The following IQCM variants were observed in gnomAD, a reference collection of about 807,000 sequenced individuals.
IQCM encodes the protein IQ motif containing M, also known as IQ domain-containing protein M.
IQCM carries 45 observed loss-of-function variants against 57.6 expected under a neutral mutation model. That is an observed-to-expected ratio of 0.78 (90% CI 0.62 to 1.00). The LOEUF (loss-of-function observed/expected upper bound fraction) is 1.00, where lower values mean the gene tolerates loss of function less well. Ranked by LOEUF, IQCM falls within the 50% of genes least tolerant of loss-of-function variation. The pLI, the probability that IQCM is intolerant of heterozygous loss-of-function variation, is 0.00. For missense variants in IQCM, 468 were observed against 511.6 expected, an observed-to-expected ratio of 0.91 and a Z score of 0.82; for synonymous variants, 148 against 158.9, an observed-to-expected ratio of 0.93 and a Z score of 0.51.
chr4:149,483,281 T>C (rs1741111324), intron 12 of IQCM, among the ~76,000 whole-genome samples: 1 of 151,878 alleles, frequency 6.6e-6, no homozygotes, highest in Non-Finnish European at 1.5e-5. Flanking sequence ...ATTTCTGCTC[T>C]GACCATCATT....
chr4:149,801,108 T>C (rs1773563556), intron 2 of IQCM, among the ~76,000 whole-genome samples: 1 of 151,828 alleles, frequency 6.6e-6, no homozygotes. Context: ...AAAGTGGACA[T>C]ACAAATGACA....
intron 12 of IQCM, among the ~76,000 whole-genome samples, chr4:149,547,819 G>GA (rs1274359675): frequency 6.6e-6 from 1 of 151,842 alleles, no homozygotes; most frequent in Non-Finnish European, 1.5e-5. Context: ...CAAAGCTGGG[G>GA]AAAAAAGAAA....
chr4:149,385,469 A>C (rs1255911389), intron 13 of IQCM, among the ~76,000 whole-genome samples: 1 of 152,094 alleles, frequency 6.6e-6, no homozygotes, highest in Non-Finnish European at 1.5e-5. Flanking sequence ...GTTAAGGGGA[A>C]GGTGATAAGT....
chr4:149,351,992 T>C lies in IQCM; in HGVS notation c.1465A>G (p.Arg489Gly). 2.5e-6 allele frequency: 1 copy of C among 398,994 alleles called. No individual in the cohort carries two copies. Among genetic ancestry groups the C allele is most frequent in the Non-Finnish European group, 4.4e-6 (1 of 226,026 alleles). 24.7% of individuals were successfully genotyped at this position (398,994 alleles called of 1,614,324 possible). The change falls in exon 14 of 14, where the codon AGG becomes GGG. Residue 489 changes from arginine to glycine, a missense_variant. Transcript: ENST00000636793. Reference protein sequence around the residue: ...GKLVARSIRERKMRQHYKSCK... With the variant: ...GKLVARSIREGKMRQHYKSCK... ...GACTTATAATGTTGTCTCATTTTCC[T>C]TTCTCTTATGGATCGGGCCACCAAC...
chr4:149,768,140 G>A (rs17687523), intron 2 of IQCM, among the ~76,000 whole-genome samples: 49,032 of 151,996 alleles, frequency 0.32, 9,696 homozygotes, highest in African/African-American at 0.53. Context: ...CTGTTCACAA[G>A]TCTTGCATTT....
intron 12 of IQCM, among the ~76,000 whole-genome samples, chr4:149,510,096 C>T (rs573380606): frequency 2.0e-5 from 3 of 152,200 alleles, no homozygotes; most frequent in South Asian, 4.1e-4. Context: ...AAAATTTCCA[C>T]GTGCAATATA....
At chr4:149,552,516 G>C (rs980962844) in intron 11 of IQCM, among the ~76,000 whole-genome samples, 3 of 151,878 alleles carry the variant, frequency 2.0e-5, no homozygotes, top group African/African-American at 7.3e-5. Context: ...ATATAAATGA[G>C]ATAATTTGTT....
chr4:149,728,612 T>C (rs560539780), intron 5 of IQCM, among the ~76,000 whole-genome samples: 1 of 152,334 alleles, frequency 6.6e-6, no homozygotes. Flanking sequence ...CATAACACTT[T>C]TATGGGAATC....
rs144069534 is a variant in IQCM, at chr4:149,369,448, C to T, written c.1391-17382G>A. ...CATCTAAAAAAGACATTTTTAAAAC[C>T]TAAAAAAAATGTGTACAAATGCATT... On this transcript the variant is annotated intron_variant, in intron 13 of 13. Coordinates refer to ENST00000636793, the MANE Select transcript of IQCM (RefSeq NM_001363507.2). Among the ~76,000 whole-genome samples, 3 of 152,024 alleles carry T rather than the reference C, an allele frequency of 2.0e-5. No homozygotes were observed. In the East Asian group the frequency reaches 5.8e-4, roughly 29 times the overall value.
intron 13 of IQCM, among the ~76,000 whole-genome samples, chr4:149,367,928 T>C (rs963793963): frequency 8.5e-5 from 13 of 152,092 alleles, no homozygotes; most frequent in Non-Finnish European, 1.8e-4. Flanking sequence ...TGATAGCTGC[T>C]GCATTTTTGT....
chr4:149,576,016 C>T (rs1456674579), intron 9 of IQCM, among the ~76,000 whole-genome samples: 1 of 151,814 alleles, frequency 6.6e-6, no homozygotes, highest in Non-Finnish European at 1.5e-5. Context: ...TTCTTTCCTT[C>T]TGGCATAGAT....
At chr4:149,669,238 G>A (rs1264131828) in intron 7 of IQCM, among the ~76,000 whole-genome samples, 1 of 152,174 alleles carries the variant, frequency 6.6e-6, no homozygotes, top group Non-Finnish European at 1.5e-5. Context: ...CAGTGATGAT[G>A]AGCATTTTTT....
intron 2 of IQCM, among the ~76,000 whole-genome samples, chr4:149,774,553 G>A (rs1180486272): frequency 2.0e-5 from 3 of 152,096 alleles, no homozygotes; most frequent in East Asian, 1.9e-4. Flanking sequence ...CGCAGGCCAC[G>A]TGAATGACAT....
At chr4:149,655,827 T>C (rs769823876) in intron 7 of IQCM, among the ~76,000 whole-genome samples, 9 of 152,204 alleles carry the variant, frequency 5.9e-5, no homozygotes, top group Admixed American at 2.0e-4. Flanking sequence ...TGGTATTTTA[T>C]GTACCACAAA....
intron 7 of IQCM, among the ~76,000 whole-genome samples, chr4:149,661,858 G>T (rs184342191): frequency 1.8e-3 from 269 of 152,070 alleles, no homozygotes; most frequent in Non-Finnish European, 2.7e-3. Flanking sequence ...TCTGGCTAAT[G>T]ATTTGTCAAT....
chr4:149,462,260 C>A lies in IQCM; in HGVS notation c.1229-28703G>T, dbSNP rs547411146. Among the ~76,000 whole-genome samples, 74 of 152,250 alleles carry A rather than the reference C, an allele frequency of 4.9e-4. 1 individual carries two copies. In the South Asian group the frequency reaches 0.015, roughly 32 times the overall value. On this transcript the variant is annotated intron_variant, in intron 12 of 13. Transcript: ENST00000636793. ...ATACCACCGCACACTCAGTGGAAAG[C>A]TTCTCCAGGGCTGGTTTGCCAATGC...
chr4:149,457,986 TGTTGAACTTTGTTCAACAAA>T (rs1001766787), intron 12 of IQCM, among the ~76,000 whole-genome samples: 5 of 151,950 alleles, frequency 3.3e-5, no homozygotes, highest in African/African-American at 1.2e-4. Context: ...GGTGATGCTT[TGTTGAACTTTGTTCAACAAA>T]GTTGAACATA....
chr4:149,518,800 T>C (rs894231671), intron 12 of IQCM, among the ~76,000 whole-genome samples: 1 of 151,898 alleles, frequency 6.6e-6, no homozygotes, highest in Non-Finnish European at 1.5e-5. Context: ...GAGAGAAATG[T>C]AAAAGTCTCA....
intron 2 of IQCM, among the ~76,000 whole-genome samples, chr4:149,750,246 C>T (rs1768305593): frequency 6.6e-6 from 1 of 152,200 alleles, no homozygotes; most frequent in Non-Finnish European, 1.5e-5. Flanking sequence ...CACACACACT[C>T]TCCAAAAACT....
Sources: gnomAD v4.1 joint callset for allele counts (sites outside exome capture counted in the v4.1 genomes callset) on GRCh38, gnomAD v4.1.1 for gene constraint, MANE v1.5 for transcripts, NCBI Gene and HGNC (gene_info 2026-07-23, HGNC 2026-07-21) for gene names.